ABCC11: variants seen among roughly 807,000 people sequenced by gnomAD.
ABCC11 encodes the protein ATP binding cassette subfamily C member 11, also known as ATP-binding cassette sub-family C member 11.
A neutral mutation model predicts 149.3 loss-of-function variants in ABCC11; 135 were observed. The ratio of observed to expected loss-of-function variants is 0.90; its 90% CI spans 0.79 to 1.04. The LOEUF (loss-of-function observed/expected upper bound fraction) is 1.04. ABCC11 is among the 50% of genes least tolerant of loss of function. The probability of loss-of-function intolerance (pLI) is 0.00; values close to 1 mark genes in which losing one functional copy is unlikely to be tolerated. For synonymous variants in ABCC11, 665 were observed against 671.4 expected (o/e 0.99, Z 0.15); for missense variants, 1,680 against 1,722.1 (o/e 0.98, Z 0.43).
chr16:48,168,220 T>A (rs1208077558), intron 28 of ABCC11, among the ~76,000 whole-genome samples: 1 of 149,182 alleles, frequency 6.7e-6, no homozygotes, highest in African/African-American at 2.4e-5. Context: ...TACCCAGAGA[T>A]GACAAAAATC....
At chr16:48,190,895 C>T (rs1252451438) in intron 20 of ABCC11, among the ~76,000 whole-genome samples, 3 of 152,158 alleles carry the variant, frequency 2.0e-5, no homozygotes, top group Non-Finnish European at 4.4e-5. Flanking sequence ...CTCCACCGCA[C>T]TTTCATCACT....
chr16:48,197,847 A>G, intron 17 of ABCC11, 124 bp downstream of exon 17: 1 of 1,015,956 alleles, frequency 9.8e-7, no homozygotes, highest in Non-Finnish European at 1.4e-6. Flanking sequence ...TGTGTATGTA[A>G]ATGCTTAGGG....
intron 23 of ABCC11, among the ~76,000 whole-genome samples, chr16:48,183,729 C>T (rs1408860987): frequency 1.3e-5 from 2 of 152,192 alleles, no homozygotes; most frequent in Admixed American, 6.5e-5. Context: ...TGCCACTGTG[C>T]TCCATCCTGG....
At chr16:48,228,174 C>T (rs569718187) in intron 3 of ABCC11, among the ~76,000 whole-genome samples, 3 of 150,804 alleles carry the variant, frequency 2.0e-5, no homozygotes, top group Admixed American at 1.3e-4. Context: ...TATGATCTAC[C>T]CATACTATAA....
intron 6 of ABCC11, 89 bp downstream of exon 6, chr16:48,222,509 C>CT: frequency 8.9e-7 from 1 of 1,121,202 alleles, no homozygotes; most frequent in Admixed American, 2.1e-5. Flanking sequence ...TTCTAACCCC[C>CT]TTTTCTCCCT....
chr16:48,226,857 G>A (rs1970105650), intron 4 of ABCC11, among the ~76,000 whole-genome samples: 1 of 152,110 alleles, frequency 6.6e-6, no homozygotes, highest in African/African-American at 2.4e-5. Flanking sequence ...TCTGACTACT[G>A]AATGCTCTTT....
intron 23 of ABCC11, among the ~76,000 whole-genome samples, chr16:48,183,165 C>A (rs1482852819): frequency 2.0e-5 from 3 of 152,206 alleles, no homozygotes; most frequent in African/African-American, 7.2e-5. Context: ...TACGCAAGAT[C>A]CCAAGCCAAT....
At chr16:48,242,440 T>C (rs958261735) in intron 1 of ABCC11, among the ~76,000 whole-genome samples, 1 of 152,196 alleles carries the variant, frequency 6.6e-6, no homozygotes, top group Non-Finnish European at 1.5e-5. Context: ...ACTTTTACAC[T>C]GTTGGTGGGA....
intron 22 of ABCC11, among the ~76,000 whole-genome samples, chr16:48,185,871 T>A (rs1043952982): frequency 2.0e-5 from 3 of 152,160 alleles, no homozygotes; most frequent in Non-Finnish European, 4.4e-5. Flanking sequence ...CCTTCAAACC[T>A]ACTTCCCCCA....
intron 23 of ABCC11, among the ~76,000 whole-genome samples, chr16:48,183,476 T>C (rs1031253610): frequency 6.6e-6 from 1 of 152,204 alleles, no homozygotes; most frequent in African/African-American, 2.4e-5. Context: ...AAAAATTAGA[T>C]TCCAGGCTGG....
chr16:48,229,754 G>A (rs1023484877), intron 3 of ABCC11, among the ~76,000 whole-genome samples: 4 of 152,112 alleles, frequency 2.6e-5, no homozygotes, highest in Admixed American at 1.3e-4. Context: ...GTGAGCCACC[G>A]CGCCCGGCCG....
rs1166516789 is a variant in ABCC11 at position 48,211,178 on chromosome 16, G to T, written c.1378C>A (p.Pro460Thr). The T allele has an allele frequency of 6.2e-7, 1 of 1,614,054 alleles. No homozygotes were observed. Among genetic ancestry groups the T allele is most frequent in the East Asian group, 2.2e-5 (1 of 44,886 alleles). The change falls in exon 11 of 30, where the codon CCT (proline) becomes ACT (threonine). Residue 460 changes from proline (P) to threonine (T), a missense_variant. Physicochemically the swap from Pro to Thr is conservative, Grantham distance 38. Coordinates refer to ENST00000356608, the MANE Select transcript of ABCC11 (RefSeq NM_001370497.1). ...RFKKFFLQES[P>T]VFYVQTLQDP... ...TGTAATGTCTGGACATAGAAAACAG[G>T]GCTCTCCTGGAGGAAAAACTTCTGT...
At chr16:48,230,858 G>A (rs930453833) in intron 2 of ABCC11, among the ~76,000 whole-genome samples, 38 of 152,110 alleles carry the variant, frequency 2.5e-4, no homozygotes, top group Non-Finnish European at 2.6e-4. Context: ...GCCATAGTTA[G>A]TTACCTGCAG....
Position 48,215,275 on chromosome 16 carries a change from C to A in ABCC11, c.1021G>T (p.Val341Leu). 1 of 1,614,190 alleles carries A rather than the reference C, an allele frequency of 6.2e-7. No individual in the cohort carries two copies. ...TSEVSDQRIR[V>L]TSEVLTCIKL... is the part of the protein sequence containing the mutation. Reference sequence around the variant, plus strand: ...ATGCAAGTGAGAACTTCACTGGTCACACGGATGCGCTGGTCGCTGACCTCA... The same window carrying A: ...ATGCAAGTGAGAACTTCACTGGTCAAACGGATGCGCTGGTCGCTGACCTCA... The change falls in exon 8 of 30, where the codon GTG becomes TTG. Residue 341 changes from valine to leucine, a missense_variant. Coordinates refer to ENST00000356608, the MANE Select transcript of ABCC11 (RefSeq NM_001370497.1).
At chr16:48,234,395 G>C (rs1346292115) in intron 1 of ABCC11, among the ~76,000 whole-genome samples, 2 of 151,972 alleles carry the variant, frequency 1.3e-5, no homozygotes, top group African/African-American at 4.8e-5. Context: ...TAATGTTTGT[G>C]TTTAGCAGCT....
At position 48,215,290 on chromosome 16, in the gene ABCC11, C is replaced by T. The variant is rs1168202507; in HGVS notation, c.1006G>A (p.Asp336Asn). The T allele has an allele frequency of 5.0e-6, 8 of 1,614,090 alleles. No individual in the cohort carries two copies. The highest frequency in any genetic ancestry group is 6.8e-6 in the Non-Finnish European group (8 of 1,179,978). Residue 336 changes from aspartate (D) to asparagine (N), a missense_variant, in exon 8 of 30, where the codon GAC becomes AAC. By Grantham distance (23) the Asp-to-Asn change is conservative (BLOSUM62 1). Transcript: ENST00000356608. ...KAQHHTSEVS[D>N]QRIRVTSEVL... ...TCACTGGTCACACGGATGCGCTGGT[C>T]GCTGACCTCAGATGTGTGATGCTGA...
At chr16:48,220,340 G>C (rs1387061106) in intron 6 of ABCC11, among the ~76,000 whole-genome samples, 1 of 152,158 alleles carries the variant, frequency 6.6e-6, no homozygotes, top group Non-Finnish European at 1.5e-5. Context: ...TGTGACAATG[G>C]GGACAATAAC....
Position 48,214,958 on chromosome 16 carries a change from A to G in ABCC11, c.1171T>C (p.Phe391Leu), listed in dbSNP as rs774961255. Residue 391 changes from phenylalanine (F) to leucine (L), a missense_variant, in exon 9 of 30, where the codon TTC (phenylalanine) becomes CTC (leucine). Coordinates refer to ENST00000356608, the MANE Select transcript of ABCC11 (RefSeq NM_001370497.1). Reference protein sequence around the residue: ...LVQSLTSITLFIIPTVATAVW... With the variant: ...LVQSLTSITLLIIPTVATAVW... Reference sequence around the variant, plus strand: ...GCTGTGGCCACTGTGGGGATGATGAACAAGGTTATACTTGTCAGGCTCTGG... The same window carrying G: ...GCTGTGGCCACTGTGGGGATGATGAGCAAGGTTATACTTGTCAGGCTCTGG... The G allele has an allele frequency of 2.5e-6, 4 of 1,614,068 alleles. No homozygotes were observed. The highest frequency in any genetic ancestry group is 3.4e-6 in the Non-Finnish European group (4 of 1,180,038).
In ABCC11 at chr16:48,193,951, G is replaced by T; in HGVS notation, c.2436C>A (p.Phe812Leu). The change falls in exon 19 of 30, where the codon TTC (phenylalanine) becomes TTA (leucine). Residue 812 changes from phenylalanine to leucine, a missense_variant. Transcript: ENST00000356608. ...GYMVSCIIFF[F>L]VVLIVFLTIF... Reference sequence around the variant, plus strand: ...TCGTTAAGAAGACGATCAGCACCACGAAGAAGAAAATTATGCAAGAGACCA... The same window carrying T: ...TCGTTAAGAAGACGATCAGCACCACTAAGAAGAAAATTATGCAAGAGACCA... 2 of 1,613,588 alleles carry T rather than the reference G, an allele frequency of 1.2e-6. No homozygotes were observed. Among genetic ancestry groups the T allele is most frequent in the Non-Finnish European group, 1.7e-6 (2 of 1,179,662 alleles).
Sources: allele counts gnomAD v4.1 joint callset (sites outside exome capture counted in the v4.1 genomes callset), GRCh38; gene constraint gnomAD v4.1.1; transcripts MANE v1.5; gene names NCBI Gene and HGNC (gene_info 2026-07-23, HGNC 2026-07-21).